TBCK: variants seen among roughly 807,000 people sequenced by gnomAD.
The protein encoded by TBCK is TBC1 domain containing kinase, also known as TBC domain-containing protein kinase-like protein.
A neutral mutation model predicts 113.4 loss-of-function variants in TBCK; 99 were observed. That is an observed-to-expected ratio of 0.87 (90% confidence interval 0.74 to 1.03). The LOEUF (loss-of-function observed/expected upper bound fraction) is 1.03, where lower values mean the gene tolerates loss of function less well. Ranked by LOEUF, TBCK falls within the 50% of genes least tolerant of loss-of-function variation. The probability of loss-of-function intolerance (pLI) is 0.00; values close to 1 mark genes in which losing one functional copy is unlikely to be tolerated. For missense variants in TBCK, 1,045 were observed against 1,061.3 expected, an observed-to-expected ratio of 0.98 and a Z score of 0.21; for synonymous variants, 369 against 370.8, an observed-to-expected ratio of 1.00 and a Z score of 0.05.
intron 2 of TBCK, among the ~76,000 whole-genome samples, chr4:106,304,909 T>C (rs1009992059): frequency 1.3e-5 from 2 of 152,356 alleles, no homozygotes; most frequent in Middle Eastern, 3.4e-3. Flanking sequence ...TCTGAGTCAC[T>C]TTCTCAAATC....
chr4:106,140,285 T>C (rs1450110345), intron 23 of TBCK, among the ~76,000 whole-genome samples: 1 of 141,006 alleles, frequency 7.1e-6, no homozygotes, highest in Non-Finnish European at 1.6e-5. Context: ...ATATTTTATT[T>C]AAAAAAAGTT....
intron 22 of TBCK, among the ~76,000 whole-genome samples, chr4:106,179,140 T>C (rs571480170): frequency 6.6e-6 from 1 of 152,158 alleles, no homozygotes; most frequent in African/African-American, 2.4e-5. Flanking sequence ...CCTAGTCCCT[T>C]TTTTGCTAGT....
chr4:106,108,696 C>T (rs753389828), intron 24 of TBCK, among the ~76,000 whole-genome samples: 1 of 152,136 alleles, frequency 6.6e-6, no homozygotes, highest in Non-Finnish European at 1.5e-5. Context: ...TGAAAACTGG[C>T]ACAAGACAAG....
intron 20 of TBCK, among the ~76,000 whole-genome samples, chr4:106,211,896 T>C (rs1368068587): frequency 6.6e-6 from 1 of 152,068 alleles, no homozygotes; most frequent in Non-Finnish European, 1.5e-5. Flanking sequence ...ATTTCCTACT[T>C]TAATGATATG....
intron 3 of TBCK, among the ~76,000 whole-genome samples, chr4:106,288,487 A>G (rs1765347834): frequency 6.6e-6 from 1 of 152,252 alleles, no homozygotes; most frequent in Non-Finnish European, 1.5e-5. Context: ...TGACACACAT[A>G]CACCATATAG....
chr4:106,302,817 A>G (rs1379276789), intron 2 of TBCK, among the ~76,000 whole-genome samples: 1 of 152,248 alleles, frequency 6.6e-6, no homozygotes, highest in Admixed American at 6.5e-5. Context: ...GAAAATATCT[A>G]TTAATTGCTT....
intron 19 of TBCK, among the ~76,000 whole-genome samples, chr4:106,215,942 C>A (rs967346376): frequency 6.7e-6 from 1 of 148,686 alleles, no homozygotes; most frequent in Non-Finnish European, 1.5e-5. Context: ...CACACCTATT[C>A]CAAAATTGAC....
intron 20 of TBCK, among the ~76,000 whole-genome samples, chr4:106,204,319 G>A (rs1755208401): frequency 1.3e-5 from 2 of 152,314 alleles, no homozygotes; most frequent in South Asian, 4.1e-4. Context: ...TGGCACAAGT[G>A]TCTGAGTACT....
At chr4:106,129,553 A>C (rs1027196140) in intron 23 of TBCK, among the ~76,000 whole-genome samples, 7 of 152,238 alleles carry the variant, frequency 4.6e-5, no homozygotes, top group Non-Finnish European at 2.9e-5. Context: ...AAGAAGAGTA[A>C]TGTATGTGAA....
At chr4:106,181,952 T>C (rs192013306) in intron 22 of TBCK, among the ~76,000 whole-genome samples, 43 of 152,274 alleles carry the variant, frequency 2.8e-4, no homozygotes, top group African/African-American at 9.1e-4. Flanking sequence ...TATAAATTAC[T>C]TTGGGCAGTA....
Position 106,215,604 on chromosome 4 carries a change from C to T in TBCK, c.1775-2769G>A, listed in dbSNP as rs187850170. On this transcript the variant is annotated intron_variant, in intron 19 of 25. Coordinates refer to ENST00000394708, the MANE Select transcript of TBCK (RefSeq NM_001163435.3). ...AAACAGACTTTAAACCAGCAAAGAT[C>T]AAAAGAGACAAAGAAGGCCATAACA... Among the ~76,000 whole-genome samples the T allele has an allele frequency of 1.3e-3, 193 of 152,130 alleles. 2 individuals are homozygous for T. Among genetic ancestry groups the T allele is most frequent in the Non-Finnish European group, 1.5e-3 (100 of 68,006 alleles).
At chr4:106,178,467 T>C (rs950037058) in intron 22 of TBCK, among the ~76,000 whole-genome samples, 4 of 151,922 alleles carry the variant, frequency 2.6e-5, no homozygotes, top group Admixed American at 1.3e-4. Flanking sequence ...CATATGGCCT[T>C]TATTGTTCTG....
chr4:106,120,292 C>T (rs922072273), intron 23 of TBCK, among the ~76,000 whole-genome samples: 3 of 152,178 alleles, frequency 2.0e-5, no homozygotes, highest in African/African-American at 7.2e-5. Flanking sequence ...AGATTATATC[C>T]CGCACCTGGC....
At chr4:106,049,892 T>TC (rs1042858826) in intron 25 of TBCK, among the ~76,000 whole-genome samples, 73 of 152,102 alleles carry the variant, frequency 4.8e-4, no homozygotes, top group African/African-American at 1.8e-3. Context: ...TTTAAAAGGC[T>TC]CCCCCTTTCC....
intron 19 of TBCK, among the ~76,000 whole-genome samples, chr4:106,215,908 T>G (rs1404053982): frequency 2.6e-5 from 4 of 151,110 alleles, no homozygotes; most frequent in African/African-American, 9.7e-5. Flanking sequence ...ATCAACAGAA[T>G]ATACATTTTT....
chr4:106,301,511 A>C (rs1766939009), intron 2 of TBCK, among the ~76,000 whole-genome samples: 1 of 152,148 alleles, frequency 6.6e-6, no homozygotes, highest in Non-Finnish European at 1.5e-5. Flanking sequence ...TTTTTCTCCT[A>C]TTAGAAAAAA....
chr4:106,059,660 A>T (rs547827534), intron 25 of TBCK, among the ~76,000 whole-genome samples: 1 of 151,868 alleles, frequency 6.6e-6, no homozygotes, highest in African/African-American at 2.4e-5. Flanking sequence ...TATTAAAATT[A>T]GGCCAATTAA....
At chr4:106,130,948 A>C (rs1188178660) in intron 23 of TBCK, among the ~76,000 whole-genome samples, 3 of 152,212 alleles carry the variant, frequency 2.0e-5, no homozygotes, top group African/African-American at 7.2e-5. Flanking sequence ...AGATGTTAAA[A>C]AGATAATAAA....
intron 24 of TBCK, among the ~76,000 whole-genome samples, chr4:106,109,340 A>C (rs1033514143): frequency 2.0e-5 from 3 of 152,154 alleles, no homozygotes; most frequent in African/African-American, 7.2e-5. Flanking sequence ...AAAAAGAAGA[A>C]AGCTGGAGAC....
Sources: allele counts gnomAD v4.1 joint callset (sites outside exome capture counted in the v4.1 genomes callset), GRCh38; gene constraint gnomAD v4.1.1; transcripts MANE v1.5; gene names NCBI Gene and HGNC (gene_info 2026-07-23, HGNC 2026-07-21).